RAB15: variants seen among roughly 807,000 people sequenced by gnomAD.
The protein encoded by RAB15 is ras-related protein Rab-15.
Under a neutral mutation model 31.8 loss-of-function variants are expected in RAB15, and 13 were observed. The ratio of observed to expected loss-of-function variants is 0.41; its 90% CI spans 0.27 to 0.65. The LOEUF is 0.65. Among genes scored for constraint, RAB15 ranks in the 30% least tolerant of loss-of-function variants. The pLI, the probability that RAB15 is intolerant of heterozygous loss-of-function variation, is 0.32. For synonymous variants in RAB15, 100 were observed against 105.6 expected (o/e 0.95, Z 0.33); for missense variants, 220 against 277.3 (o/e 0.79, Z 1.47).
At chr14:64,969,990 G>A (rs898383781) in intron 1 of RAB15, among the ~76,000 whole-genome samples, 2 of 152,140 alleles carry the variant, frequency 1.3e-5, no homozygotes, top group Non-Finnish European at 2.9e-5. Context: ...TGTCTCCCAG[G>A]GGAGGCTGCC....
At position 64,958,721 on chromosome 14, in the gene RAB15, C is replaced by A. The variant is rs1886704041; in HGVS notation, c.125-6150G>T. Among the ~76,000 whole-genome samples the A allele has an allele frequency of 6.6e-6, 1 of 152,190 alleles. No homozygotes were observed. The highest frequency in any genetic ancestry group is 2.4e-5 in the African/African-American group (1 of 41,442). On this transcript the variant is annotated intron_variant, in intron 1 of 6. Transcript: ENST00000533601. The surrounding 1 kb of genome is among the most constrained non-coding windows in gnomAD (Gnocchi z 4.4). Reference sequence around the variant, plus strand: ...GTGTTAAGAAACAAGCAAACCACTTCTACACAGCTCTGGCAGAGGTTCTCG... The same window carrying A: ...GTGTTAAGAAACAAGCAAACCACTTATACACAGCTCTGGCAGAGGTTCTCG...
At position 64,971,443 on chromosome 14, in the gene RAB15, T is replaced by C. The variant is rs2140009085; in HGVS notation, c.124+510A>G. Among the ~76,000 whole-genome samples, 1 of 152,220 alleles carries C rather than the reference T, an allele frequency of 6.6e-6. No homozygotes were observed. Among genetic ancestry groups the C allele is most frequent in the Non-Finnish European group, 1.5e-5 (1 of 67,998 alleles). On this transcript the variant is annotated intron_variant, in intron 1 of 6. Coordinates refer to ENST00000533601, the MANE Select transcript of RAB15 (RefSeq NM_001308154.2). The surrounding 1 kb of genome is among the most constrained non-coding windows in gnomAD (Gnocchi z 4.1). ...ACCTTGCGGCTTACCTTCCCAACTC[T>C]GCCCTGGAAACTCGATCCCTGTGGC...
In RAB15 at chr14:64,972,169, C is replaced by A. The variant is rs1887466414; in HGVS notation, c.-93G>T. On this transcript the variant is annotated 5_prime_UTR_variant, in exon 1 of 7. Coordinates refer to ENST00000533601, the MANE Select transcript of RAB15 (RefSeq NM_001308154.2). The surrounding 1 kb of genome is among the most constrained non-coding windows in gnomAD (Gnocchi z 6.3). The stretch of plus-strand genomic sequence containing the variant: ...CGCGGCCCGCGCCCGCCCGGGGACG[C>A]TGCGGGCGGCGAGGAGGACGCCGGG... 2 of 1,101,672 alleles carry A rather than the reference C, an allele frequency of 1.8e-6. No individual in the cohort carries two copies. Among genetic ancestry groups the A allele is most frequent in the South Asian group, 8.8e-5 (2 of 22,678 alleles). The allele number at this position is 1,101,672 out of a possible 1,614,324, so 68.2% of individuals were successfully genotyped here. A position where few individuals can be genotyped will look rare whatever the true frequency, so the allele number is the denominator to read the frequency against.
Position 64,954,145 on chromosome 14 carries a change from G to C in RAB15, c.125-1574C>G. On this transcript the variant is annotated intron_variant, in intron 1 of 6. Coordinates refer to ENST00000533601, the MANE Select transcript of RAB15 (RefSeq NM_001308154.2). The surrounding 1 kb of genome is among the most constrained non-coding windows in gnomAD (Gnocchi z 4.3). ...TTTGGTCAGACGTGAATCATTTCTC[G>C]CCTGCCCAAGCTGATTCATATCCAT... 4.1e-6 allele frequency: 4 copies of C among 985,366 alleles called. No individual in the cohort carries two copies. Among genetic ancestry groups the C allele is most frequent in the Non-Finnish European group, 4.8e-6 (4 of 829,924 alleles). 61.0% of individuals were successfully genotyped at this position (985,366 alleles called of 1,614,324 possible). A position where few individuals can be genotyped will look rare whatever the true frequency, so the allele number is the denominator to read the frequency against.
At position 64,951,165 on chromosome 14, in the gene RAB15, A is replaced by C. The variant is rs549273995; in HGVS notation, c.247-14T>G. 4 of 1,604,436 alleles carry C rather than the reference A, an allele frequency of 2.5e-6. No individual in the cohort carries two copies. In the African/African-American group the frequency reaches 5.3e-5, roughly 21 times the overall value. The stretch of plus-strand genomic sequence containing the variant: ...CAAAAATATCCCCTGAGAGAGAGAG[A>C]AATAGAGAGATGTGATATGCACAGA... On this transcript the variant is annotated splice_polypyrimidine_tract_variant and intron_variant, in intron 3 of 6. Transcript: ENST00000533601. This position sits in a 1 kb window ranked among gnomAD's most constrained non-coding sequence, Gnocchi z 7.2.
intron 1 of RAB15, among the ~76,000 whole-genome samples, chr14:64,966,492 C>T (rs990953929): frequency 6.6e-6 from 1 of 150,636 alleles, no homozygotes; most frequent in African/African-American, 2.5e-5. Context: ...CACTGCACTC[C>T]AGCCTGGGCG....
rs913329964 is a variant in RAB15 at position 64,953,250 on chromosome 14, T to C, written c.125-679A>G. On this transcript the variant is annotated intron_variant, in intron 1 of 6. Transcript: ENST00000533601. The surrounding 1 kb of genome is among the most constrained non-coding windows in gnomAD (Gnocchi z 4.6). ...CCTCCCTCTGGCCACTCATAGCTCA[T>C]TGCTATAACATCAGGCACCTTGCTT... is the stretch of plus-strand genomic sequence containing the variant. 6.6e-6 allele frequency among the ~76,000 whole-genome samples: 1 copy of C among 152,242 alleles called. No individual in the cohort carries two copies. The highest frequency in any genetic ancestry group is 1.5e-5 in the Non-Finnish European group (1 of 68,048).
intron 1 of RAB15, among the ~76,000 whole-genome samples, chr14:64,969,642 C>T (rs933832150): frequency 5.3e-5 from 8 of 152,060 alleles, no homozygotes; most frequent in Admixed American, 1.3e-4. Context: ...GTGTCAGAAG[C>T]GGAGGAAGAA....
In RAB15 at chr14:64,962,311, T is replaced by C. The variant is rs1886907498; in HGVS notation, c.124+9642A>G. On this transcript the variant is annotated intron_variant, in intron 1 of 6. Transcript: ENST00000533601. The surrounding 1 kb of genome is among the most constrained non-coding windows in gnomAD (Gnocchi z 4.2). ...GAAGAACAGAAGTCCTCTAGGAAAA[T>C]GCATTCATTCATTCCTTCATTTGTT... Among the ~76,000 whole-genome samples, 1 of 152,182 alleles carries C rather than the reference T, an allele frequency of 6.6e-6. No homozygotes were observed. The highest frequency in any genetic ancestry group is 1.5e-5 in the Non-Finnish European group (1 of 68,038).
In RAB15 at chr14:64,948,886, A is replaced by G. The variant is rs1241931693; in HGVS notation, c.415-153T>C. ...TTTCTCAGATGGGACTGGGAGCTCC[A>G]AGAGAGGGTAGCAGAGAATGGGGGA... On this transcript the variant is annotated intron_variant, in intron 5 of 6. Transcript: ENST00000533601. The surrounding 1 kb of genome is among the most constrained non-coding windows in gnomAD (Gnocchi z 7.0). Among the ~76,000 whole-genome samples the G allele has an allele frequency of 6.6e-6, 1 of 152,162 alleles. No homozygotes were observed. The highest frequency in any genetic ancestry group is 1.5e-5 in the Non-Finnish European group (1 of 68,028).
At chr14:64,949,258 AATACTATCCT>A (rs1331490513) in intron 5 of RAB15, among the ~76,000 whole-genome samples, 11 of 152,234 alleles carry the variant, frequency 7.2e-5, no homozygotes, top group African/African-American at 2.7e-4. Flanking sequence ...GTGCTCAATA[AATACTATCCT>A]AGTAGGCTTT....
rs1221826127 is a variant in RAB15, at chr14:64,968,016, T to C, written c.124+3937A>G. Among the ~76,000 whole-genome samples, 1 of 152,214 alleles carries C rather than the reference T, an allele frequency of 6.6e-6. No homozygotes were observed. The highest frequency in any genetic ancestry group is 1.5e-5 in the Non-Finnish European group (1 of 68,032). ...CCCCTCCTACCATTGCTAAGGCTCA[T>C]GTTCCACCTCCTTGGCCAGGCTCTC... On this transcript the variant is annotated intron_variant, in intron 1 of 6. Coordinates refer to ENST00000533601, the MANE Select transcript of RAB15 (RefSeq NM_001308154.2). This position sits in a 1 kb window ranked among gnomAD's most constrained non-coding sequence, Gnocchi z 4.9.
At chr14:64,964,701 G>T (rs1181387315) in intron 1 of RAB15, among the ~76,000 whole-genome samples, 1 of 151,310 alleles carries the variant, frequency 6.6e-6, no homozygotes, top group Non-Finnish European at 1.5e-5. Context: ...TCAGCCTCCC[G>T]AGTAGCTAGG....
At position 64,952,425 on chromosome 14, in the gene RAB15, A is replaced by G; in HGVS notation, c.185+86T>C. The stretch of plus-strand genomic sequence containing the variant: ...TGGCCAGTTATCCCAGGTGAAGCCT[A>G]GGAATTTTACACATGGCAGGGGCAG... On this transcript the variant is annotated intron_variant, in intron 2 of 6. Coordinates refer to ENST00000533601, the MANE Select transcript of RAB15 (RefSeq NM_001308154.2). The surrounding 1 kb of genome is among the most constrained non-coding windows in gnomAD (Gnocchi z 4.2). The G allele has an allele frequency of 9.9e-7, 1 of 1,005,530 alleles. No homozygotes were observed. The highest frequency in any genetic ancestry group is 2.0e-5 in the Admixed American group (1 of 50,164). The allele number at this position is 1,005,530 out of a possible 1,614,324, so 62.3% of individuals were successfully genotyped here.
rs1427151363 is a variant in RAB15 at position 64,958,378 on chromosome 14, T to C, written c.125-5807A>G. 3.3e-5 allele frequency among the ~76,000 whole-genome samples: 5 copies of C among 152,196 alleles called. No homozygotes were observed. The highest frequency in any genetic ancestry group is 4.4e-5 in the Non-Finnish European group (3 of 68,034). On this transcript the variant is annotated intron_variant, in intron 1 of 6. Coordinates refer to ENST00000533601, the MANE Select transcript of RAB15 (RefSeq NM_001308154.2). This position sits in a 1 kb window ranked among gnomAD's most constrained non-coding sequence, Gnocchi z 4.4. ...AGGGAGCTTGTTCCCTCTTCTGCCA[T>C]GTGAGGATGGAGCTAGAAGGTGCCA... is the stretch of plus-strand genomic sequence containing the variant.
intron 5 of RAB15, among the ~76,000 whole-genome samples, chr14:64,949,020 A>G (rs537702639): frequency 1.3e-5 from 2 of 152,340 alleles, no homozygotes; most frequent in South Asian, 4.1e-4. Flanking sequence ...GCAGTATGGC[A>G]TCCTCGTAAA....
In RAB15 at chr14:64,948,543, T is replaced by G; in HGVS notation, c.481-31A>C. On this transcript the variant is annotated intron_variant, in intron 6 of 6. Coordinates refer to ENST00000533601, the MANE Select transcript of RAB15 (RefSeq NM_001308154.2). This position sits in a 1 kb window ranked among gnomAD's most constrained non-coding sequence, Gnocchi z 7.0. ...AACCAAAGGGCACAGGTTAGTCCAG[T>G]GTCTCCTCCTCTCCCCTGGCAACCC... 2 of 1,599,994 alleles carry G rather than the reference T, an allele frequency of 1.3e-6. No homozygotes were observed. The highest frequency in any genetic ancestry group is 8.5e-7 in the Non-Finnish European group (1 of 1,172,526).
chr14:64,948,620 G>A lies in RAB15; in HGVS notation c.480+48C>T, dbSNP rs1335611071. ...TCTTATGGCTCCTCCTCCCACCTCT[G>A]CTGGACTCAGCCCGAGAGAGCGGGC... On this transcript the variant is annotated intron_variant, in intron 6 of 6. Transcript: ENST00000533601. This position sits in a 1 kb window ranked among gnomAD's most constrained non-coding sequence, Gnocchi z 7.0. The A allele has an allele frequency of 3.7e-6, 6 of 1,612,126 alleles. No individual in the cohort carries two copies. The African/African-American group carries it at 8.0e-5, about 22-fold the overall frequency.
Position 64,948,327 on chromosome 14 carries a change from T to A in RAB15, c.*27A>T, listed in dbSNP as rs1479639698. ...CACGGGCCTCCTGAGGGAAGAGGGG[T>A]GTCGTGTGGGGTGCCCCACACAGGA... On this transcript the variant is annotated 3_prime_UTR_variant, in exon 7 of 7. Coordinates refer to ENST00000533601, the MANE Select transcript of RAB15 (RefSeq NM_001308154.2). This position sits in a 1 kb window ranked among gnomAD's most constrained non-coding sequence, Gnocchi z 7.0. 5 of 1,475,112 alleles carry A rather than the reference T, an allele frequency of 3.4e-6. No individual in the cohort carries two copies. The Admixed American group carries it at 1.2e-4, about 37-fold the overall frequency. 91.4% of individuals were successfully genotyped at this position (1,475,112 alleles called of 1,614,324 possible).
Sources: allele counts gnomAD v4.1 joint callset (sites outside exome capture counted in the v4.1 genomes callset), GRCh38; gene constraint gnomAD v4.1.1; non-coding constraint Gnocchi (gnomAD v3.1); transcripts MANE v1.5; gene names NCBI Gene and HGNC (gene_info 2026-07-23, HGNC 2026-07-21).